UGT2B11: variants seen among roughly 807,000 people sequenced by gnomAD.
UGT2B11 encodes the protein UDP glucuronosyltransferase family 2 member B11, also known as UDP-glucuronosyltransferase 2B11.
UGT2B11 carries 49 observed loss-of-function variants against 51.7 expected under a neutral mutation model. The ratio of observed to expected loss-of-function variants is 0.95; its 90% CI spans 0.75 to 1.20. The LOEUF (loss-of-function observed/expected upper bound fraction) is 1.20, where lower values mean the gene tolerates loss of function less well. UGT2B11 is among the 50% of genes most tolerant of loss of function. The pLI is 0.00. For missense variants in UGT2B11, 810 were observed against 622.1 expected, an observed-to-expected ratio of 1.30 and a Z score of -3.21; for synonymous variants, 273 against 209.0, an observed-to-expected ratio of 1.31 and a Z score of -2.64.
rs1721939751 is a variant in UGT2B11 at position 69,208,422 on chromosome 4, A to T, written c.931T>A (p.Ser311Thr). 1 of 1,610,256 alleles carries T rather than the reference A, an allele frequency of 6.2e-7. No individual in the cohort carries two copies. The change falls in exon 3 of 6, where the codon TCA becomes ACA. Residue 311 changes from serine to threonine, a missense_variant. Ser to Thr is a moderately conservative substitution (Grantham distance 58). Coordinates refer to ENST00000446444, the MANE Select transcript of UGT2B11 (RefSeq NM_001073.3). ...TCTGCTGTCATGTTACTTATCACTG[A>T]CCCCAGAGAAAACACCACAACACCA... ...ENGVVVFSLGSVISNMTAERA... is the reference protein window; with the variant it reads ...ENGVVVFSLGTVISNMTAERA...
At position 69,214,705 on chromosome 4, in the gene UGT2B11, A is replaced by C. The variant is rs1245600785; in HGVS notation, c.18T>G (p.Thr6=). 1 of 1,612,508 alleles carries C rather than the reference A, an allele frequency of 6.2e-7. No homozygotes were observed. Among genetic ancestry groups the C allele is most frequent in the Admixed American group, 1.7e-5 (1 of 59,918 alleles). ...TGAGATGTATCAGCAGAAGAACTGAAGTCCATTTCAGAGTCATCCTGGTGC... is the reference window on the plus strand; with the variant it reads ...TGAGATGTATCAGCAGAAGAACTGACGTCCATTTCAGAGTCATCCTGGTGC... MTLKW[T]SVLLLIHLSC... The change falls in exon 1 of 6, where the codon ACT becomes ACG. Residue 6 remains threonine (T), a synonymous_variant. Coordinates refer to ENST00000446444, the MANE Select transcript of UGT2B11 (RefSeq NM_001073.3).
intron 1 of UGT2B11, among the ~76,000 whole-genome samples, chr4:69,213,745 A>G (rs2109955062): frequency 6.6e-6 from 1 of 151,948 alleles, no homozygotes; most frequent in South Asian, 2.1e-4. Context: ...TAATTGCTTA[A>G]ATTCTTAGGT....
intron 1 of UGT2B11, among the ~76,000 whole-genome samples, 166 bp from the exon 2 acceptor site, chr4:69,212,887 T>G (rs1409376873): frequency 6.6e-6 from 1 of 150,852 alleles, no homozygotes; most frequent in East Asian, 1.9e-4. Flanking sequence ...TTATATATTT[T>G]GTCCATGTTT....
chr4:69,200,597 A>C lies in UGT2B11; in HGVS notation c.1433T>G (p.Val478Gly), dbSNP rs375210301. ...GAACCAGGTGAGGTCATGGGCTGCAACTCGAAGGTGTTTGGCTCCTTTGTG... is the reference window on the plus strand; with the variant it reads ...GAACCAGGTGAGGTCATGGGCTGCACCTCGAAGGTGTTTGGCTCCTTTGTG... ...MPHKGAKHLRVAAHDLTWFQY... is the reference protein window; with the variant it reads ...MPHKGAKHLRGAAHDLTWFQY... Residue 478 changes from valine (V) to glycine (G), a missense_variant, in exon 6 of 6, where the codon GTT (valine) becomes GGT (glycine). Transcript: ENST00000446444. 59 of 1,612,462 alleles carry C rather than the reference A, an allele frequency of 3.7e-5. No homozygotes were observed. The African/African-American group carries it at 6.4e-4, about 18-fold the overall frequency.
At position 69,212,714 on chromosome 4, in the gene UGT2B11, G is replaced by T. The variant is rs1288677460; in HGVS notation, c.729C>A (p.Pro243=). Residue 243 remains proline (P), a synonymous_variant, in exon 2 of 6, where the codon CCC becomes CCA. Coordinates refer to ENST00000446444, the MANE Select transcript of UGT2B11 (RefSeq NM_001073.3). ...DQFYSEVLGR[P]TTLFETMGKA... is the part of the protein sequence containing the mutation. Reference sequence around the variant, plus strand: ...TTCCCATTGTCTCAAATAAGGTAGTGGGTCTTCCTGACAGGAATAAAGAAA... The same window carrying T: ...TTCCCATTGTCTCAAATAAGGTAGTTGGTCTTCCTGACAGGAATAAAGAAA... The T allele has an allele frequency of 1.9e-6, 3 of 1,603,666 alleles. No individual in the cohort carries two copies. The African/African-American group carries it at 4.1e-5, about 22-fold the overall frequency.
chr4:69,214,173 T>C lies in UGT2B11; in HGVS notation c.550A>G (p.Ser184Gly), dbSNP rs779478944. The change falls in exon 1 of 6, where the codon AGT (serine) becomes GGT (glycine). Residue 184 changes from serine to glycine, a missense_variant. Ser to Gly is a moderately conservative substitution (Grantham distance 56, BLOSUM62 0). Transcript: ENST00000446444. ...FTPGYTIERH[S>G]GGLIFPPSYI... ...GAAGGAGGGAAAATCAGTCCTCCACTGTGCCTTTCAATTGTGTAGCCAGGA... is the reference window on the plus strand; with the variant it reads ...GAAGGAGGGAAAATCAGTCCTCCACCGTGCCTTTCAATTGTGTAGCCAGGA... 4.3e-6 allele frequency: 7 copies of C among 1,612,948 alleles called. No individual in the cohort carries two copies. The highest frequency in any genetic ancestry group is 1.7e-5 in the Admixed American group (1 of 59,902).
intron 4 of UGT2B11, among the ~76,000 whole-genome samples, 198 bp from the exon 5 acceptor site, chr4:69,204,847 C>T (rs1188398090): frequency 6.6e-6 from 1 of 151,658 alleles, no homozygotes; most frequent in African/African-American, 2.4e-5. Context: ...CTTCAGACTG[C>T]AAAACTTAAT....
chr4:69,221,905 C>T, the UGT2B11 span, among the ~76,000 whole-genome samples: 12 of 152,326 alleles, frequency 7.9e-5, no homozygotes, highest in South Asian at 4.1e-4. Context: ...GTCCAGAGGT[C>T]CTTCATCCTC....
At chr4:69,207,765 T>C (rs1425542448) in intron 3 of UGT2B11, among the ~76,000 whole-genome samples, 1 of 151,662 alleles carries the variant, frequency 6.6e-6, no homozygotes, top group South Asian at 2.1e-4. Flanking sequence ...CATTCCTTAA[T>C]TGTAAACATT....
chr4:69,214,988 T>G (rs762801550), upstream of UGT2B11: 73 of 413,162 alleles, frequency 1.8e-4, no homozygotes, highest in Non-Finnish European at 2.8e-4. Context: ...TTATGTAACC[T>G]ACTTTATAAT....
chr4:69,216,087 G>T (rs1391839900), upstream of UGT2B11: 1 of 151,956 alleles, frequency 6.6e-6, no homozygotes, highest in Non-Finnish European at 1.5e-5. Context: ...AGAGTTCTTG[G>T]TACATACTGC....
intron 2 of UGT2B11, among the ~76,000 whole-genome samples, chr4:69,211,349 A>T (rs55783694): frequency 0.16 from 24,294 of 151,356 alleles, 2,427 homozygotes; most frequent in African/African-American, 0.27. Context: ...CAACTAGCTC[A>T]TCTTACTGTC....
upstream of UGT2B11, chr4:69,215,324 T>C (rs1722234812): frequency 6.6e-6 from 1 of 152,082 alleles, no homozygotes; most frequent in Non-Finnish European, 1.5e-5. Flanking sequence ...TAATCTAATT[T>C]CTGCCTCTAG....
intron 1 of UGT2B11, among the ~76,000 whole-genome samples, chr4:69,213,382 A>C (rs758418852): frequency 3.3e-5 from 5 of 151,826 alleles, no homozygotes; most frequent in South Asian, 2.1e-4. Flanking sequence ...CTATATAGAT[A>C]TAACAACCTT....
chr4:69,202,506 A>T (rs1261360093), intron 5 of UGT2B11, among the ~76,000 whole-genome samples: 1 of 151,644 alleles, frequency 6.6e-6, no homozygotes, highest in Non-Finnish European at 1.5e-5. Context: ...ATTGCCCACC[A>T]CACATCACTT....
At chr4:69,224,007 A>C in the UGT2B11 span, among the ~76,000 whole-genome samples, 1 of 152,098 alleles carries the variant, frequency 6.6e-6, no homozygotes, top group Non-Finnish European at 1.5e-5. Context: ...CCTATCTTTA[A>C]ATTGTCTTGA....
At chr4:69,222,080 G>A in the UGT2B11 span, among the ~76,000 whole-genome samples, 2 of 152,398 alleles carry the variant, frequency 1.3e-5, no homozygotes, top group East Asian at 3.9e-4. Context: ...CTGTCTGAGG[G>A]CCATGACTAA....
chr4:69,204,588 G>T lies in UGT2B11; in HGVS notation c.1152C>A (p.Ile384=). The change falls in exon 5 of 6, where the codon ATC becomes ATA. Residue 384 remains isoleucine (I), a synonymous_variant. Coordinates refer to ENST00000446444, the MANE Select transcript of UGT2B11 (RefSeq NM_001073.3). The part of the protein sequence containing the change: ...HGGANGIYEA[I]YHGIPMVGIP... ...TGCCCACCATAGGGATCCCATGGTA[G>T]ATTGCCTCATAGATGCCATTGGCTC... The T allele has an allele frequency of 6.2e-7, 1 of 1,612,176 alleles. No homozygotes were observed. The highest frequency in any genetic ancestry group is 2.2e-5 in the East Asian group (1 of 44,768).
At chr4:69,214,789 T>G, upstream of UGT2B11, 1 of 1,545,190 alleles carries the variant, frequency 6.5e-7, no homozygotes, top group African/African-American at 1.4e-5. Context: ...CAGAGATAAA[T>G]CAATCAAGTT....
Sources: gnomAD v4.1 joint callset for allele counts (sites outside exome capture counted in the v4.1 genomes callset) on GRCh38, gnomAD v4.1.1 for gene constraint, MANE v1.5 for transcripts, NCBI Gene and HGNC (gene_info 2026-07-23, HGNC 2026-07-21) for gene names.